KSR2: variants seen among roughly 807,000 people sequenced by gnomAD.
The protein encoded by KSR2 is kinase suppressor of ras 2.
A neutral mutation model predicts 107.8 loss-of-function variants in KSR2; 25 were observed. That is an observed-to-expected ratio of 0.23 (90% CI 0.17 to 0.32). The LOEUF is 0.32. Among genes scored for constraint, KSR2 ranks in the 10% least tolerant of loss-of-function variants. The pLI is 1.00. For missense variants in KSR2, 887 were observed against 1,268.9 expected (o/e 0.70, Z 4.57); for synonymous variants, 480 against 507.0 (o/e 0.95, Z 0.71).
chr12:117,836,178 C>T (rs1892205230), intron 3 of KSR2, among the ~76,000 whole-genome samples: 1 of 152,128 alleles, frequency 6.6e-6, no homozygotes, highest in Non-Finnish European at 1.5e-5. Context: ...CACTGTCTTC[C>T]ATCCACAGGG....
intron 5 of KSR2, among the ~76,000 whole-genome samples, chr12:117,624,730 G>GT (rs1274973937): frequency 3.9e-5 from 6 of 152,156 alleles, no homozygotes; most frequent in Non-Finnish European, 8.8e-5. Context: ...CCTTAAAGTA[G>GT]TTTTTTCCAA....
chr12:117,947,187 AAAAGAAAG>A (rs1325474498), intron 1 of KSR2, among the ~76,000 whole-genome samples: 1 of 102,550 alleles, frequency 9.8e-6, no homozygotes, highest in Non-Finnish European at 2.1e-5. Context: ...AGAAAGAAAG[AAAAGAAAG>A]AAAAGAAAGA....
intron 14 of KSR2, among the ~76,000 whole-genome samples, chr12:117,499,087 A>G (rs1487462833): frequency 1.3e-5 from 2 of 152,366 alleles, no homozygotes; most frequent in Admixed American, 1.3e-4. Flanking sequence ...AAAAGACCAA[A>G]TAGACCACTG....
At chr12:117,674,331 G>C (rs1381987294) in intron 4 of KSR2, 1 of 499,158 alleles carries the variant, frequency 2.0e-6, no homozygotes, top group African/African-American at 1.9e-5. Context: ...ACTTGCATTT[G>C]GTTCCATTTT....
At chr12:117,962,029 C>T (rs1174166500) in intron 1 of KSR2, among the ~76,000 whole-genome samples, 1 of 151,610 alleles carries the variant, frequency 6.6e-6, no homozygotes, top group African/African-American at 2.4e-5. Flanking sequence ...GCTGTAGTCT[C>T]AGCTACCCAG....
At chr12:117,635,777 A>G (rs1004075984) in intron 5 of KSR2, among the ~76,000 whole-genome samples, 2 of 151,286 alleles carry the variant, frequency 1.3e-5, no homozygotes, top group African/African-American at 4.9e-5. Flanking sequence ...AAACAAAGAA[A>G]CCACATTGGT....
At chr12:117,585,874 A>G (rs749609486) in intron 5 of KSR2, among the ~76,000 whole-genome samples, 23 of 152,236 alleles carry the variant, frequency 1.5e-4, no homozygotes, top group Admixed American at 9.2e-4. Context: ...GAGTAGAATA[A>G]TAGACATTTC....
intron 1 of KSR2, among the ~76,000 whole-genome samples, chr12:117,866,912 G>A (rs372707343): frequency 2.0e-5 from 3 of 152,130 alleles, no homozygotes; most frequent in East Asian, 3.9e-4. Context: ...TCAAACTGAT[G>A]CATTTGGAGA....
chr12:117,590,966 T>C (rs1052226822), intron 5 of KSR2, among the ~76,000 whole-genome samples: 2 of 152,182 alleles, frequency 1.3e-5, no homozygotes, highest in Non-Finnish European at 2.9e-5. Flanking sequence ...CTTACACAAA[T>C]GGTCTGTAGT....
intron 14 of KSR2, among the ~76,000 whole-genome samples, chr12:117,523,748 G>A (rs779977259): frequency 3.9e-5 from 6 of 152,250 alleles, no homozygotes; most frequent in African/African-American, 4.8e-5. Flanking sequence ...CAAGGCGGGC[G>A]GATCATCTGA....
Position 117,539,776 on chromosome 12 carries a change from A to G in KSR2, c.1630T>C (p.Ser544Pro). 6.2e-7 allele frequency: 1 copy of G among 1,607,150 alleles called. No individual in the cohort carries two copies. The stretch of plus-strand genomic sequence containing the variant: ...CACTGTGGGGAAGGGTGTAGGGGAG[A>G]AGGCGGCGTGGCACTAGGAGGGAGG... ...PPLPPSATPPSPLHPSPQCTR... is the reference protein window; with the variant it reads ...PPLPPSATPPPPLHPSPQCTR... Residue 544 changes from serine (S) to proline (P), a missense_variant, in exon 10 of 20, where the codon TCT becomes CCT. Ser to Pro is a moderately conservative substitution (Grantham distance 74, BLOSUM62 -1). Around this residue, in one of 8 missense-constraint regions of KSR2, gnomAD observed 50 missense variants for 43.4 expected, o/e 1.15. Coordinates refer to ENST00000339824, the MANE Select transcript of KSR2 (RefSeq NM_173598.6).
intron 4 of KSR2, among the ~76,000 whole-genome samples, chr12:117,692,449 CATATATATATAT>C (rs57091494): frequency 0.08 from 6,704 of 83,386 alleles, 456 homozygotes; most frequent in South Asian, 0.098. Context: ...CAACTTCACT[CATATATATATAT>C]ATATATATAT....
chr12:117,500,346 G>A (rs1344876778), intron 14 of KSR2, among the ~76,000 whole-genome samples: 1 of 152,146 alleles, frequency 6.6e-6, no homozygotes, highest in Non-Finnish European at 1.5e-5. Context: ...ACAGAGCTAT[G>A]CTGCCTTCTC....
chr12:117,837,432 A>G (rs1332188972), intron 3 of KSR2, among the ~76,000 whole-genome samples: 2 of 152,186 alleles, frequency 1.3e-5, no homozygotes, highest in Admixed American at 6.5e-5. Flanking sequence ...GTGGCCAAAC[A>G]TGACACTGCG....
At chr12:117,684,638 G>A (rs1186934955) in intron 4 of KSR2, among the ~76,000 whole-genome samples, 3 of 152,118 alleles carry the variant, frequency 2.0e-5, no homozygotes, top group Non-Finnish European at 4.4e-5. Flanking sequence ...AGCCCACTTC[G>A]GGGAGGGAAT....
intron 5 of KSR2, among the ~76,000 whole-genome samples, chr12:117,638,712 G>C (rs1046240872): frequency 6.6e-6 from 1 of 152,156 alleles, no homozygotes; most frequent in Non-Finnish European, 1.5e-5. Flanking sequence ...ATCAGGAAAT[G>C]CACATCGGGG....
At chr12:117,788,267 G>C (rs1366117539) in intron 3 of KSR2, among the ~76,000 whole-genome samples, 3 of 152,208 alleles carry the variant, frequency 2.0e-5, no homozygotes. Flanking sequence ...GTATCTAGAA[G>C]ACTTGGAGGA....
Position 117,453,409 on chromosome 12 carries a change from T to G in KSR2, c.*13790A>C, listed in dbSNP as rs531876042. 2 of 152,502 alleles carry G rather than the reference T, an allele frequency of 1.3e-5. No homozygotes were observed. The highest frequency in any genetic ancestry group is 4.8e-5 in the African/African-American group (2 of 41,444). 9.4% of individuals were successfully genotyped at this position (152,502 alleles called of 1,614,324 possible). ...AGAAGTGGCCCCCCAAAAGAAAACATGAAACCACCTTCTTACATCAACTCA... is the reference window on the plus strand; with the variant it reads ...AGAAGTGGCCCCCCAAAAGAAAACAGGAAACCACCTTCTTACATCAACTCA... On this transcript the variant is annotated 3_prime_UTR_variant, in exon 20 of 20. Coordinates refer to ENST00000339824, the MANE Select transcript of KSR2 (RefSeq NM_173598.6).
intron 5 of KSR2, among the ~76,000 whole-genome samples, chr12:117,583,016 C>T (rs1314653514): frequency 6.6e-6 from 1 of 152,130 alleles, no homozygotes; most frequent in Non-Finnish European, 1.5e-5. Flanking sequence ...ATGCAGAAAG[C>T]CATATCAATT....
Sources: allele counts gnomAD v4.1 joint callset (sites outside exome capture counted in the v4.1 genomes callset), GRCh38; gene constraint gnomAD v4.1.1; regional missense constraint gnomAD v4.1.1; transcripts MANE v1.5; gene names NCBI Gene and HGNC (gene_info 2026-07-23, HGNC 2026-07-21).